Variants in VAPA observed in about 807,000 individuals in gnomAD.
The protein encoded by VAPA is VAMP associated protein A.
Under a neutral mutation model 25.6 loss-of-function variants are expected in VAPA, and 6 were observed. The observed-to-expected ratio is 0.23, with a 90% confidence interval of 0.13 to 0.46. The LOEUF is 0.46. VAPA is among the 20% of genes least tolerant of loss of function. The pLI is 0.99. For synonymous variants in VAPA, 112 were observed against 106.2 expected (o/e 1.05, Z -0.34); for missense variants, 244 against 302.1 (o/e 0.81, Z 1.43).
Position 9,951,700 on chromosome 18 carries a change from A to C in VAPA, c.591+1132A>C, listed in dbSNP as rs29111. ...TCTTTGCAGCAAAGTAGATGATACA[A>C]AAATGTATGTAACTAAAATAAGCTA... is the stretch of plus-strand genomic sequence containing the variant. On this transcript the variant is annotated intron_variant, in intron 5 of 5. Coordinates refer to ENST00000400000, the MANE Select transcript of VAPA (RefSeq NM_194434.3). Among the ~76,000 whole-genome samples the C allele has an allele frequency of 2.0e-5, 3 of 152,254 alleles. 1 individual carries two copies. The highest frequency in any genetic ancestry group is 2.0e-4 in the Admixed American group (3 of 15,286).
At position 9,957,856 on chromosome 18, in the gene VAPA, A is replaced by C. The variant is rs2069566668; in HGVS notation, c.*3645A>C. Reference sequence around the variant, plus strand: ...TGGAGTTAACTATTTTTTAGTAGGAAGTGAGAACAGCTGATTTTCATGCCA... The same window carrying C: ...TGGAGTTAACTATTTTTTAGTAGGACGTGAGAACAGCTGATTTTCATGCCA... On this transcript the variant is annotated 3_prime_UTR_variant, in exon 6 of 6. Transcript: ENST00000400000. 6.6e-6 allele frequency: 1 copy of C among 152,222 alleles called. No homozygotes were observed. Among genetic ancestry groups the C allele is most frequent in the Non-Finnish European group, 1.5e-5 (1 of 68,030 alleles). The allele number at this position is 152,222 out of a possible 1,614,324, so 9.4% of individuals were successfully genotyped here.
intron 1 of VAPA, among the ~76,000 whole-genome samples, chr18:9,923,662 T>C (rs1311656632): frequency 6.6e-6 from 1 of 152,222 alleles, no homozygotes; most frequent in Admixed American, 6.5e-5. Flanking sequence ...TGAAAAAATT[T>C]TACTTTTTAA....
In VAPA at chr18:9,943,945, C is replaced by T. The variant is rs191653420; in HGVS notation, c.418-6450C>T. Among the ~76,000 whole-genome samples the T allele has an allele frequency of 9.1e-3, 1,293 of 142,690 alleles. 30 individuals are homozygous for T. The East Asian group carries it at 0.092, about 10-fold the overall frequency. 93.6% of individuals were successfully genotyped at this position (142,690 alleles called of 152,430 possible). On this transcript the variant is annotated intron_variant, in intron 4 of 5. Coordinates refer to ENST00000400000, the MANE Select transcript of VAPA (RefSeq NM_194434.3). ...GCGCGATCTCGGCTCACTGTAAGCG[C>T]CGCCTCCCGGGTTCACGCCGTTCTC...
At chr18:9,927,247 C>T (rs750762651) in intron 1 of VAPA, among the ~76,000 whole-genome samples, 3 of 152,024 alleles carry the variant, frequency 2.0e-5, no homozygotes, top group Non-Finnish European at 2.9e-5. Context: ...AAATGTTCAT[C>T]GTAGAATGTG....
intron 1 of VAPA, among the ~76,000 whole-genome samples, chr18:9,918,149 T>C (rs757507922): frequency 6.6e-6 from 1 of 152,206 alleles, no homozygotes; most frequent in Non-Finnish European, 1.5e-5. Context: ...CTATTTTTGC[T>C]GGCTAAGGTA....
At chr18:9,931,628 AAT>A (rs2069255970) in intron 1 of VAPA, 180 bp from the exon 2 acceptor site, 1 of 479,046 alleles carries the variant, frequency 2.1e-6, no homozygotes, top group Non-Finnish European at 3.6e-6. Context: ...TGAAGAAGAA[AAT>A]ATGACTTGTT....
chr18:9,954,134 A>C lies in VAPA; in HGVS notation c.673A>C (p.Thr225Pro), dbSNP rs866447048. Residue 225 changes from threonine (T) to proline (P), a missense_variant, in exon 6 of 6, where the codon ACC (threonine) becomes CCC (proline). Transcript: ENST00000400000. ...TSTASFRDNVTSPLPSLLVVI... is the reference protein window; with the variant it reads ...TSTASFRDNVPSPLPSLLVVI... ...AACTGCATCCTTCAGAGATAATGTC[A>C]CCAGTCCTCTTCCTTCACTTCTTGT... 6.2e-7 allele frequency: 1 copy of C among 1,614,018 alleles called. No individual in the cohort carries two copies.
intron 5 of VAPA, among the ~76,000 whole-genome samples, chr18:9,953,106 C>T (rs1409661831): frequency 6.6e-6 from 1 of 152,150 alleles, no homozygotes; most frequent in Admixed American, 6.5e-5. Context: ...GTATTTTTCC[C>T]AAGGTTCACA....
At chr18:9,946,949 T>A (rs917900765) in intron 4 of VAPA, among the ~76,000 whole-genome samples, 7 of 152,206 alleles carry the variant, frequency 4.6e-5, no homozygotes, top group African/African-American at 1.7e-4. Flanking sequence ...ATAAGATTTT[T>A]AAAAAAACTT....
In VAPA at chr18:9,955,259, T is replaced by C. The variant is rs902006583; in HGVS notation, c.*1048T>C. The stretch of plus-strand genomic sequence containing the variant: ...ATAATAGTTAAAAGTAGGTGTTTTT[T>C]TCGTGCTCAATTTGGCACTCAAAAT... On this transcript the variant is annotated 3_prime_UTR_variant, in exon 6 of 6. Transcript: ENST00000400000. 1 of 152,232 alleles carries C rather than the reference T, an allele frequency of 6.6e-6. No individual in the cohort carries two copies. Among genetic ancestry groups the C allele is most frequent in the Non-Finnish European group, 1.5e-5 (1 of 68,036 alleles). 9.4% of individuals were successfully genotyped at this position (152,232 alleles called of 1,614,324 possible).
intron 1 of VAPA, among the ~76,000 whole-genome samples, chr18:9,922,004 G>T (rs145732405): frequency 6.6e-6 from 1 of 151,424 alleles, no homozygotes; most frequent in South Asian, 2.1e-4. Flanking sequence ...TTTTTGCAGC[G>T]GTCTCACTCT....
chr18:9,916,403 C>A (rs1192521545), intron 1 of VAPA, among the ~76,000 whole-genome samples: 1 of 152,144 alleles, frequency 6.6e-6, no homozygotes, highest in Non-Finnish European at 1.5e-5. Context: ...TCTCTATGTG[C>A]CCCATCCCTC....
Position 9,936,830 on chromosome 18 carries a change from A to T in VAPA, c.337-156A>T, listed in dbSNP as rs143549498. 1.1e-3 allele frequency: 633 copies of T among 579,642 alleles called. 2 individuals carry two copies. In the African/African-American group the frequency reaches 0.011, roughly 10 times the overall value. 35.9% of individuals were successfully genotyped at this position (579,642 alleles called of 1,614,324 possible). On this transcript the variant is annotated intron_variant, in intron 3 of 5. Coordinates refer to ENST00000400000, the MANE Select transcript of VAPA (RefSeq NM_194434.3). ...GATTATATAAAGGTTCTGTGACATT[A>T]GCCGATAACAATGGCAGGGTGATCA... is the stretch of plus-strand genomic sequence containing the variant.
At chr18:9,928,463 T>G (rs1385679561) in intron 1 of VAPA, among the ~76,000 whole-genome samples, 1 of 152,134 alleles carries the variant, frequency 6.6e-6, no homozygotes, top group Non-Finnish European at 1.5e-5. Flanking sequence ...GGATTAACCA[T>G]TATCCTGACT....
chr18:9,918,075 A>G (rs1471722300), intron 1 of VAPA, among the ~76,000 whole-genome samples: 2 of 151,870 alleles, frequency 1.3e-5, no homozygotes, highest in East Asian at 1.9e-4. Flanking sequence ...GTTAGTCTGT[A>G]CACATCCATA....
At chr18:9,928,475 T>A (rs1412986710) in intron 1 of VAPA, among the ~76,000 whole-genome samples, 3 of 152,040 alleles carry the variant, frequency 2.0e-5, no homozygotes, top group African/African-American at 7.2e-5. Flanking sequence ...ATCCTGACTT[T>A]TATGGTGGCC....
At chr18:9,937,218 C>CATT in intron 4 of VAPA, 152 bp downstream of exon 4, 2 of 205,258 alleles carry the variant, frequency 9.7e-6, no homozygotes, top group Non-Finnish European at 8.9e-6. Flanking sequence ...CTTGGTATGC[C>CATT]TTTTTTTTTT....
chr18:9,937,684 G>A (rs2069325689), intron 4 of VAPA, among the ~76,000 whole-genome samples: 1 of 152,156 alleles, frequency 6.6e-6, no homozygotes, highest in Non-Finnish European at 1.5e-5. Flanking sequence ...CCATTTCCCT[G>A]TCTGGATTGC....
In VAPA at chr18:9,914,252, C is replaced by T. The variant is rs1198445838; in HGVS notation, c.-5C>T. ...GGCGCGCCCCCGCTCTGCGCTGTCTCTCCGATGGCGTCCGCCTCAGGGGCC... is the reference window on the plus strand; with the variant it reads ...GGCGCGCCCCCGCTCTGCGCTGTCTTTCCGATGGCGTCCGCCTCAGGGGCC... On this transcript the variant is annotated 5_prime_UTR_variant, in exon 1 of 6. Transcript: ENST00000400000. 5 of 1,580,790 alleles carry T rather than the reference C, an allele frequency of 3.2e-6. No homozygotes were observed. The highest frequency in any genetic ancestry group is 1.1e-5 in the South Asian group (1 of 88,200).
Sources: gnomAD v4.1 joint callset for allele counts (sites outside exome capture counted in the v4.1 genomes callset) on GRCh38, gnomAD v4.1.1 for gene constraint, MANE v1.5 for transcripts, NCBI Gene and HGNC (gene_info 2026-07-23, HGNC 2026-07-21) for gene names.